The following ZBTB7C variants were observed in gnomAD, a reference collection of about 807,000 sequenced individuals.
ZBTB7C encodes zinc finger and BTB domain containing 7C.
Under a neutral mutation model 25.7 loss-of-function variants are expected in ZBTB7C, and 8 were observed. The ratio of observed to expected loss-of-function variants is 0.31; its 90% CI spans 0.18 to 0.56. ZBTB7C has a LOEUF of 0.56. Ranked by LOEUF, ZBTB7C falls within the 20% of genes least tolerant of loss-of-function variation. The probability of loss-of-function intolerance (pLI) is 0.91; values close to 1 mark genes in which losing one functional copy is unlikely to be tolerated. For synonymous variants in ZBTB7C, 394 were observed against 369.0 expected, an observed-to-expected ratio of 1.07 and a Z score of -0.78; for missense variants, 824 against 855.2, an observed-to-expected ratio of 0.96 and a Z score of 0.46.
At chr18:48,328,721 C>T (rs1434209780) in intron 2 of ZBTB7C, among the ~76,000 whole-genome samples, 1 of 152,092 alleles carries the variant, frequency 6.6e-6, no homozygotes, top group East Asian at 1.9e-4. Flanking sequence ...TTTCCATATA[C>T]CACGTAGCCT....
At chr18:48,337,052 A>C (rs1047481297) in intron 2 of ZBTB7C, among the ~76,000 whole-genome samples, 4 of 152,162 alleles carry the variant, frequency 2.6e-5, no homozygotes, top group Non-Finnish European at 5.9e-5. Context: ...TCCACTTCCT[A>C]GAGCTGGGCT....
rs1421095634 is a variant in ZBTB7C at position 48,265,569 on chromosome 18, T to C, written c.-79+72605A>G. Among the ~76,000 whole-genome samples the C allele has an allele frequency of 2.0e-5, 3 of 152,286 alleles. No individual in the cohort carries two copies. The East Asian group carries it at 5.8e-4, about 29-fold the overall frequency. On this transcript the variant is annotated intron_variant, in intron 2 of 4. Coordinates refer to ENST00000590800, the MANE Select transcript of ZBTB7C (RefSeq NM_001318841.2). ...CATGCAGGCAAAGCACTGAGCCCAG[T>C]GCTGGCCTGTGGGCAGAGTGCAATA...
At chr18:48,324,933 T>C (rs2046183827) in intron 2 of ZBTB7C, among the ~76,000 whole-genome samples, 1 of 151,994 alleles carries the variant, frequency 6.6e-6, no homozygotes, top group Non-Finnish European at 1.5e-5. Flanking sequence ...AGAGCCACCG[T>C]GGATGTGATG....
intron 4 of ZBTB7C, among the ~76,000 whole-genome samples, chr18:48,032,347 C>A (rs1277293737): frequency 6.6e-6 from 1 of 150,454 alleles, no homozygotes; most frequent in African/African-American, 2.5e-5. Flanking sequence ...GAACTCCTGA[C>A]CTTGTGATCT....
intron 1 of ZBTB7C, among the ~76,000 whole-genome samples, chr18:48,364,470 G>A (rs2047180140): frequency 6.6e-6 from 1 of 152,268 alleles, no homozygotes; most frequent in Non-Finnish European, 1.5e-5. Flanking sequence ...CCAGATGGGA[G>A]CACAGAATTA....
chr18:48,168,073 C>T (rs767788210), intron 3 of ZBTB7C, among the ~76,000 whole-genome samples: 1 of 152,164 alleles, frequency 6.6e-6, no homozygotes, highest in Non-Finnish European at 1.5e-5. Flanking sequence ...CTGAGGGTGC[C>T]ACAGTCAATA....
At chr18:48,176,708 A>C (rs2041693321) in intron 3 of ZBTB7C, among the ~76,000 whole-genome samples, 2 of 152,200 alleles carry the variant, frequency 1.3e-5, no homozygotes, top group Non-Finnish European at 2.9e-5. Context: ...CTGAGATATA[A>C]GAATACAAGG....
chr18:48,335,927 C>T (rs1004098155), intron 2 of ZBTB7C, among the ~76,000 whole-genome samples: 1 of 152,298 alleles, frequency 6.6e-6, no homozygotes, highest in African/African-American at 2.4e-5. Flanking sequence ...AAATGACACA[C>T]GTGGCTTGCA....
chr18:48,098,806 A>G (rs1447577942), intron 3 of ZBTB7C, among the ~76,000 whole-genome samples: 1 of 152,188 alleles, frequency 6.6e-6, no homozygotes. Flanking sequence ...TTGACCTTAC[A>G]CAACCAGCAA....
intron 3 of ZBTB7C, among the ~76,000 whole-genome samples, chr18:48,177,665 GAGAACCTGGGTCCAAGTTCTTGGGTCCA>G (rs1343631292): frequency 6.6e-6 from 1 of 152,112 alleles, no homozygotes; most frequent in Non-Finnish European, 1.5e-5. Context: ...CTGGCCTGTT[GAGAACCTGGGTCCAAGTTCTTGGGTCCA>G]AGAACTTGGG....
Position 48,029,784 on chromosome 18 carries a change from G to A in ZBTB7C, c.1336C>T (p.Arg446Trp), listed in dbSNP as rs199657017. The A allele has an allele frequency of 1.2e-6, 2 of 1,608,482 alleles. No homozygotes were observed. Among genetic ancestry groups the A allele is most frequent in the Non-Finnish European group, 1.7e-6 (2 of 1,179,986 alleles). The change falls in exon 5 of 5, where the codon CGG becomes TGG. Residue 446 changes from arginine to tryptophan, a missense_variant. This residue lies in a region of ZBTB7C where 342 missense variants were observed against 307.0 expected (regional missense o/e 1.11). Transcript: ENST00000590800. ...KNHMRIHTGVRPYQCEFCYKS... is the reference protein window; with the variant it reads ...KNHMRIHTGVWPYQCEFCYKS... ...TAGCAGAACTCGCACTGGTAGGGCC[G>A]CACGCCCGTGTGGATGCGCATGTGG...
chr18:48,302,017 C>G (rs1207066752), intron 2 of ZBTB7C, among the ~76,000 whole-genome samples: 1 of 152,006 alleles, frequency 6.6e-6, no homozygotes, highest in South Asian at 2.1e-4. Flanking sequence ...ACTGCCACTC[C>G]CCGGCTTTTA....
At chr18:48,282,969 A>C (rs546163620) in intron 2 of ZBTB7C, among the ~76,000 whole-genome samples, 4 of 152,346 alleles carry the variant, frequency 2.6e-5, no homozygotes, top group Admixed American at 2.6e-4. Flanking sequence ...TCATTGAACA[A>C]TATGCCTATG....
chr18:48,060,107 G>A (rs922131968), intron 3 of ZBTB7C, among the ~76,000 whole-genome samples: 28 of 152,046 alleles, frequency 1.8e-4, no homozygotes, highest in African/African-American at 6.8e-4. Flanking sequence ...CAATTATAAT[G>A]TAGCCCATCC....
intron 2 of ZBTB7C, among the ~76,000 whole-genome samples, chr18:48,316,793 T>C (rs190934593): frequency 3.5e-4 from 53 of 152,294 alleles, no homozygotes; most frequent in African/African-American, 1.2e-3. Context: ...CAGCCTCAGG[T>C]ATTCCTTTAT....
chr18:48,169,454 T>C (rs1282014376), intron 3 of ZBTB7C, among the ~76,000 whole-genome samples: 1 of 152,146 alleles, frequency 6.6e-6, no homozygotes, highest in Non-Finnish European at 1.5e-5. Flanking sequence ...CATCGTCACT[T>C]TTGAACTCGC....
At chr18:48,380,272 TC>T (rs1331409518) in intron 1 of ZBTB7C, among the ~76,000 whole-genome samples, 1 of 152,204 alleles carries the variant, frequency 6.6e-6, no homozygotes, top group Non-Finnish European at 1.5e-5. Flanking sequence ...TAGAGTTTTT[TC>T]CCATGAGGAT....
intron 3 of ZBTB7C, among the ~76,000 whole-genome samples, chr18:48,083,240 G>C (rs896788340): frequency 6.6e-6 from 1 of 151,212 alleles, no homozygotes; most frequent in Non-Finnish European, 1.5e-5. Flanking sequence ...ATCCATAATA[G>C]AGCATCACTT....
In ZBTB7C at chr18:48,159,602, TCTC is replaced by T. The variant is rs2040939672; in HGVS notation, c.-17+26329_-17+26331del. On this transcript the variant is annotated intron_variant, in intron 3 of 4. Coordinates refer to ENST00000590800, the MANE Select transcript of ZBTB7C (RefSeq NM_001318841.2). ...CAACTTTACCAAAGCCAAGCTCAAC[TCTC>T]CTAAGTTTCAAATCAGTGAGGTTCC... Among the ~76,000 whole-genome samples, 5 of 152,282 alleles carry T rather than the reference TCTC, an allele frequency of 3.3e-5. No homozygotes were observed. In the South Asian group the frequency reaches 1.0e-3, roughly 32 times the overall value.
Sources: gnomAD v4.1 joint callset for allele counts (sites outside exome capture counted in the v4.1 genomes callset) on GRCh38, gnomAD v4.1.1 for gene constraint, gnomAD v4.1.1 regional missense constraint, MANE v1.5 for transcripts, NCBI Gene and HGNC (gene_info 2026-07-23, HGNC 2026-07-21) for gene names.